Variants in LHFPL2 observed in about 807,000 individuals in gnomAD.
The protein encoded by LHFPL2 is LHFPL tetraspan subfamily member 2 protein.
LHFPL2 carries 7 observed loss-of-function variants against 17.5 expected under a neutral mutation model. The observed-to-expected ratio is 0.40, with a 90% CI of 0.23 to 0.75. The LOEUF (loss-of-function observed/expected upper bound fraction) is 0.75. LHFPL2 is among the 30% of genes least tolerant of loss of function. LHFPL2 has a pLI of 0.37. For synonymous variants in LHFPL2, 134 were observed against 116.2 expected, an observed-to-expected ratio of 1.15 and a Z score of -0.99; for missense variants, 241 against 294.8, an observed-to-expected ratio of 0.82 and a Z score of 1.34.
At chr5:78,556,061 G>A (rs1473163245) in intron 3 of LHFPL2, among the ~76,000 whole-genome samples, 1 of 152,136 alleles carries the variant, frequency 6.6e-6, no homozygotes, top group Non-Finnish European at 1.5e-5. Context: ...TGGGTGAGGT[G>A]GGACAGGGGC....
chr5:78,508,164 C>A lies in LHFPL2; in HGVS notation c.430+1620G>T, dbSNP rs897990213. Among the ~76,000 whole-genome samples, 8 of 152,098 alleles carry A rather than the reference C, an allele frequency of 5.3e-5. No homozygotes were observed. In the South Asian group the frequency reaches 6.2e-4, roughly 12 times the overall value. ...AGCTTCACAGAATCAAACTCTAAGC[C>A]TAAAAAGTCCAAAGGAAGGTCACAT... On this transcript the variant is annotated intron_variant, in intron 4 of 4. Transcript: ENST00000380345.
intron 2 of LHFPL2, among the ~76,000 whole-genome samples, chr5:78,622,450 G>C (rs1424151569): frequency 6.6e-6 from 1 of 152,180 alleles, no homozygotes; most frequent in Non-Finnish European, 1.5e-5. Context: ...TTGCAGATGA[G>C]AAGACTAAGC....
At chr5:78,524,685 T>C (rs530686426) in intron 3 of LHFPL2, among the ~76,000 whole-genome samples, 274 of 145,050 alleles carry the variant, frequency 1.9e-3, no homozygotes, top group African/African-American at 6.8e-3. Context: ...GAGTTTGCAG[T>C]GAGCCAAGAT....
At chr5:78,593,427 G>A (rs1013747425) in intron 2 of LHFPL2, among the ~76,000 whole-genome samples, 1 of 152,104 alleles carries the variant, frequency 6.6e-6, no homozygotes, top group Non-Finnish European at 1.5e-5. Context: ...GGCCCCAGCT[G>A]TCTCTCCCGA....
intron 1 of LHFPL2, among the ~76,000 whole-genome samples, chr5:78,638,695 A>G (rs1033363713): frequency 5.3e-5 from 8 of 152,162 alleles, no homozygotes; most frequent in Non-Finnish European, 8.8e-5. Flanking sequence ...TGACAAGGGG[A>G]GGCTAACAGA....
chr5:78,502,480 C>T (rs970404304), intron 4 of LHFPL2, among the ~76,000 whole-genome samples: 1 of 152,196 alleles, frequency 6.6e-6, no homozygotes, highest in Non-Finnish European at 1.5e-5. Flanking sequence ...GTGATGAAGC[C>T]TTACTTCACA....
intron 3 of LHFPL2, among the ~76,000 whole-genome samples, chr5:78,547,837 G>A (rs1347451352): frequency 6.6e-6 from 1 of 152,248 alleles, no homozygotes; most frequent in East Asian, 1.9e-4. Flanking sequence ...GAGGTACAGG[G>A]GGCCTGTTCA....
intron 2 of LHFPL2, among the ~76,000 whole-genome samples, chr5:78,576,741 C>A (rs1757145616): frequency 6.6e-6 from 1 of 152,086 alleles, no homozygotes; most frequent in South Asian, 2.1e-4. Context: ...AATTTAAAAT[C>A]TTCTGACAAT....
intron 2 of LHFPL2, among the ~76,000 whole-genome samples, chr5:78,570,423 G>T (rs1251915733): frequency 6.6e-6 from 1 of 151,992 alleles, no homozygotes; most frequent in South Asian, 2.1e-4. Context: ...AAGGCAGGGG[G>T]GATCCTCCAG....
At chr5:78,643,427 C>T (rs762569473) in intron 1 of LHFPL2, among the ~76,000 whole-genome samples, 1 of 152,114 alleles carries the variant, frequency 6.6e-6, no homozygotes, top group African/African-American at 2.4e-5. Flanking sequence ...TTTTATAAGT[C>T]GATGGTCAGA....
chr5:78,586,886 C>G (rs1413170597), intron 2 of LHFPL2, among the ~76,000 whole-genome samples: 1 of 152,156 alleles, frequency 6.6e-6, no homozygotes. Flanking sequence ...TTTATATATA[C>G]CAACACTTGG....
At chr5:78,579,306 G>C (rs73146033) in intron 2 of LHFPL2, among the ~76,000 whole-genome samples, 2 of 151,546 alleles carry the variant, frequency 1.3e-5, no homozygotes, top group African/African-American at 4.9e-5. Flanking sequence ...CTTAGTGCTC[G>C]CAAGGTTTTT....
rs33938439 is a variant in LHFPL2, at chr5:78,610,908, C to CA, written c.-245+21355dup. 8.1e-3 allele frequency among the ~76,000 whole-genome samples: 1,166 copies of CA among 143,972 alleles called. 15 individuals carry two copies. The highest frequency in any genetic ancestry group is 0.028 in the African/African-American group (1,092 of 39,048). 94.5% of individuals were successfully genotyped at this position (143,972 alleles called of 152,430 possible). A position where few individuals can be genotyped will look rare whatever the true frequency, so the allele number is the denominator to read the frequency against. On this transcript the variant is annotated intron_variant, in intron 2 of 4. Transcript: ENST00000380345. ...AGAGGAGATGTCATTAGACCATAAG[C>CA]AAAAAAAAAAAAGCATTGCACGGGC...
intron 3 of LHFPL2, among the ~76,000 whole-genome samples, chr5:78,548,793 A>G (rs1322656047): frequency 1.3e-5 from 2 of 152,224 alleles, no homozygotes; most frequent in Admixed American, 1.3e-4. Context: ...CTCATGTGCC[A>G]AACATATTAT....
chr5:78,503,499 C>T (rs1203324748), intron 4 of LHFPL2, among the ~76,000 whole-genome samples: 1 of 152,136 alleles, frequency 6.6e-6, no homozygotes, highest in African/African-American at 2.4e-5. Flanking sequence ...GAGTACGAGA[C>T]CAGCCTGGCC....
intron 4 of LHFPL2, among the ~76,000 whole-genome samples, chr5:78,494,792 A>G (rs1198772158): frequency 6.6e-6 from 1 of 152,182 alleles, no homozygotes; most frequent in African/African-American, 2.4e-5. Flanking sequence ...TTCTTTGGGG[A>G]ATCTAAATAC....
intron 3 of LHFPL2, among the ~76,000 whole-genome samples, chr5:78,538,204 T>C (rs1041597243): frequency 6.6e-6 from 1 of 152,328 alleles, no homozygotes; most frequent in East Asian, 1.9e-4. Flanking sequence ...CTGATGTAGA[T>C]TGACAAAGTG....
chr5:78,523,466 AAT>A (rs1755521788), intron 3 of LHFPL2, among the ~76,000 whole-genome samples: 2 of 152,232 alleles, frequency 1.3e-5, no homozygotes, highest in Non-Finnish European at 2.9e-5. Flanking sequence ...GGAGGACCAG[AAT>A]GTACCCTGGG....
chr5:78,550,763 G>C (rs1464593488), intron 3 of LHFPL2, among the ~76,000 whole-genome samples: 4 of 152,038 alleles, frequency 2.6e-5, no homozygotes, highest in Admixed American at 6.6e-5. Context: ...TAGACACGAG[G>C]TTTTGCCATG....
Sources: gnomAD v4.1 joint callset for allele counts (sites outside exome capture counted in the v4.1 genomes callset) on GRCh38, gnomAD v4.1.1 for gene constraint, MANE v1.5 for transcripts, NCBI Gene and HGNC (gene_info 2026-07-23, HGNC 2026-07-21) for gene names.